The following UTRN variants were observed in gnomAD, a reference collection of about 807,000 sequenced individuals.
UTRN encodes dystrophin-related protein 1.
UTRN carries 283 observed loss-of-function variants against 463.9 expected under a neutral mutation model. That is an observed-to-expected ratio of 0.61 (90% CI 0.55 to 0.67). UTRN has a LOEUF of 0.67. Ranked by LOEUF, UTRN falls within the 30% of genes least tolerant of loss-of-function variation. UTRN has a pLI of 0.00. For synonymous variants in UTRN, 1,442 were observed against 1,431.5 expected, an observed-to-expected ratio of 1.01 and a Z score of -0.17; for missense variants, 3,922 against 4,084.3, an observed-to-expected ratio of 0.96 and a Z score of 1.08.
At chr6:144,672,411 C>T (rs1585915350) in intron 51 of UTRN, among the ~76,000 whole-genome samples, 1 of 151,842 alleles carries the variant, frequency 6.6e-6, no homozygotes, top group African/African-American at 2.4e-5. Context: ...AGGAATTTAT[C>T]CATCTCCTCT....
intron 51 of UTRN, among the ~76,000 whole-genome samples, chr6:144,631,937 A>C (rs780865596): frequency 2.0e-5 from 3 of 152,196 alleles, no homozygotes; most frequent in Non-Finnish European, 2.9e-5. Flanking sequence ...AGTTATCGTA[A>C]AAGACTGACA....
Position 144,851,004 on chromosome 6 carries a change from C to T in UTRN, c.*7C>T. 1 of 1,613,648 alleles carries T rather than the reference C, an allele frequency of 6.2e-7. No homozygotes were observed. The highest frequency in any genetic ancestry group is 8.5e-7 in the Non-Finnish European group (1 of 1,179,616). On this transcript the variant is annotated 3_prime_UTR_variant, in exon 75 of 75. Coordinates refer to ENST00000367545, the MANE Select transcript of UTRN (RefSeq NM_007124.3). ...CTTCCCATAGGCAATGTGAAGTATT[C>T]ATCCGGCCAACCAATGTTTCCTGAC...
At chr6:144,545,088 G>A in intron 46 of UTRN, among the ~76,000 whole-genome samples, 1 of 152,044 alleles carries the variant, frequency 6.6e-6, no homozygotes, top group East Asian at 1.9e-4. Flanking sequence ...CAATAAACTT[G>A]TAGTCAACCT....
chr6:144,543,194 AG>A (rs1190646728), intron 46 of UTRN, among the ~76,000 whole-genome samples: 1 of 152,190 alleles, frequency 6.6e-6, no homozygotes, highest in Non-Finnish European at 1.5e-5. Flanking sequence ...GGGTCCAGGC[AG>A]CTTTTCAGGA....
At chr6:144,432,354 GTCTC>G (rs72581184) in intron 9 of UTRN, among the ~76,000 whole-genome samples, 1 of 151,826 alleles carries the variant, frequency 6.6e-6, no homozygotes, top group African/African-American at 2.4e-5. Context: ...ACAACTCTCT[GTCTC>G]TCTCTCTCTT....
At chr6:144,321,989 T>C (rs1485028368) in intron 2 of UTRN, among the ~76,000 whole-genome samples, 10 of 151,734 alleles carry the variant, frequency 6.6e-5, no homozygotes. Flanking sequence ...GTCTTGAACT[T>C]CTGACTTCAA....
intron 2 of UTRN, chr6:144,344,405 T>C: frequency 8.0e-7 from 1 of 1,252,852 alleles, no homozygotes; most frequent in Non-Finnish European, 1.0e-6. Context: ...GTAACAAAGC[T>C]TAGGACCAGG....
chr6:144,569,483 G>A (rs1800738554), intron 50 of UTRN, among the ~76,000 whole-genome samples: 1 of 151,836 alleles, frequency 6.6e-6, no homozygotes, highest in Non-Finnish European at 1.5e-5. Context: ...ATGAGGTTAG[G>A]GAAAATATTT....
intron 51 of UTRN, among the ~76,000 whole-genome samples, chr6:144,614,376 G>C (rs750486286): frequency 1.3e-5 from 2 of 152,024 alleles, no homozygotes; most frequent in African/African-American, 4.8e-5. Context: ...AAAAATACAG[G>C]AGTCCCAGGA....
At chr6:144,338,029 G>A (rs1444200698) in intron 2 of UTRN, among the ~76,000 whole-genome samples, 5 of 152,116 alleles carry the variant, frequency 3.3e-5, no homozygotes, top group Admixed American at 1.3e-4. Flanking sequence ...GGAAACAAAG[G>A]CATGATTTCA....
intron 51 of UTRN, among the ~76,000 whole-genome samples, chr6:144,614,487 T>TA (rs1209207938): frequency 2.0e-5 from 3 of 152,242 alleles, no homozygotes; most frequent in East Asian, 3.9e-4. Flanking sequence ...TCTTCCTAAT[T>TA]AAGTACAAAT....
intron 51 of UTRN, among the ~76,000 whole-genome samples, chr6:144,669,875 T>C (rs541239531): frequency 2.6e-5 from 4 of 152,240 alleles, no homozygotes; most frequent in Admixed American, 6.5e-5. Flanking sequence ...CTTAGAATAA[T>C]GGTCTCCAAC....
intron 13 of UTRN, among the ~76,000 whole-genome samples, chr6:144,443,174 T>C (rs1021865456): frequency 6.6e-6 from 1 of 152,220 alleles, no homozygotes; most frequent in Non-Finnish European, 1.5e-5. Context: ...TGGTAAGACG[T>C]TGCCAATTTA....
At chr6:144,759,668 G>T (rs1210145946) in intron 58 of UTRN, among the ~76,000 whole-genome samples, 2 of 152,070 alleles carry the variant, frequency 1.3e-5, no homozygotes, top group Admixed American at 6.6e-5. Context: ...TTTAAAAGTG[G>T]CAGGGGAGGC....
chr6:144,447,671 G>C lies in UTRN; in HGVS notation c.1792G>C (p.Gly598Arg). 1 of 1,613,942 alleles carries C rather than the reference G, an allele frequency of 6.2e-7. No individual in the cohort carries two copies. Among genetic ancestry groups the C allele is most frequent in the Admixed American group, 1.7e-5 (1 of 60,006 alleles). The change falls in exon 16 of 75, where the codon GGA becomes CGA. Residue 598 changes from glycine to arginine, a missense_variant. Transcript: ENST00000367545. ...DQLSEIGQDV[G>R]QLLDNSKASK... ...GCTGAGTGAGATTGGCCAGGATGTG[G>C]GACAATTACTTGATAATTCCAAGGC...
chr6:144,328,739 C>T (rs1265138152), intron 2 of UTRN, among the ~76,000 whole-genome samples: 3 of 150,644 alleles, frequency 2.0e-5, no homozygotes, highest in South Asian at 4.2e-4. Flanking sequence ...TTATCTTCAT[C>T]CCCCCTTCAT....
In UTRN at chr6:144,533,119, G is replaced by A. The variant is rs1797212605; in HGVS notation, c.6092G>A (p.Ser2031Asn). ...LEVGISSHQP[S>N]FAALNRTGDG... is the part of the protein sequence containing the mutation. ...GTGGGCATCAGCAGCCACCAGCCCA[G>A]TTTTGCAGCACTAAACCGAACTGGG... is the stretch of plus-strand genomic sequence containing the variant. Residue 2031 changes from serine (S) to asparagine (N), a missense_variant, in exon 43 of 75, where the codon AGT becomes AAT. By Grantham distance (46) the Ser-to-Asn change is conservative (BLOSUM62 1). This residue lies in a region of UTRN where 2,349 missense variants were observed against 2,303.8 expected (regional missense o/e 1.02). Transcript: ENST00000367545. 4.3e-6 allele frequency: 7 copies of A among 1,613,720 alleles called. No individual in the cohort carries two copies. The highest frequency in any genetic ancestry group is 2.7e-5 in the African/African-American group (2 of 74,898).
chr6:144,739,764 C>A (rs1470343783), intron 54 of UTRN, among the ~76,000 whole-genome samples: 2 of 152,126 alleles, frequency 1.3e-5, no homozygotes, highest in African/African-American at 4.8e-5. Flanking sequence ...CAACCTCATA[C>A]CAGGAAGGGC....
chr6:144,463,033 A>T (rs1170421405), intron 23 of UTRN, among the ~76,000 whole-genome samples, 167 bp downstream of exon 23: 1 of 152,228 alleles, frequency 6.6e-6, no homozygotes, highest in Non-Finnish European at 1.5e-5. Context: ...TGTGCTAGAG[A>T]GCACATTTAT....
Sources: gnomAD v4.1 joint callset for allele counts (sites outside exome capture counted in the v4.1 genomes callset) on GRCh38, gnomAD v4.1.1 for gene constraint, gnomAD v4.1.1 regional missense constraint, MANE v1.5 for transcripts, NCBI Gene and HGNC (gene_info 2026-07-23, HGNC 2026-07-21) for gene names.